Variants in PAPPA2 observed in about 807,000 individuals in gnomAD.
The protein encoded by PAPPA2 is pappalysin-2.
PAPPA2 carries 86 observed loss-of-function variants against 176.4 expected under a neutral mutation model. The observed-to-expected ratio is 0.49, with a 90% confidence interval of 0.41 to 0.58. The LOEUF (loss-of-function observed/expected upper bound fraction) is 0.58. Among genes scored for constraint, PAPPA2 ranks in the 20% least tolerant of loss-of-function variants. The pLI is 0.00. For missense variants in PAPPA2, 2,073 were observed against 2,256.9 expected, an observed-to-expected ratio of 0.92 and a Z score of 1.65; for synonymous variants, 809 against 852.2, an observed-to-expected ratio of 0.95 and a Z score of 0.88.
At chr1:176,735,977 C>G (rs192520348) in intron 12 of PAPPA2, among the ~76,000 whole-genome samples, 2 of 152,110 alleles carry the variant, frequency 1.3e-5, no homozygotes, top group Admixed American at 1.3e-4. Context: ...TTACATTGTG[C>G]ATGTAATATA....
At chr1:176,576,466 G>A (rs868617136) in intron 2 of PAPPA2, among the ~76,000 whole-genome samples, 5 of 115,232 alleles carry the variant, frequency 4.3e-5, no homozygotes, top group African/African-American at 1.1e-4. Context: ...AGGGAAACAC[G>A]TCAATGGGGT....
At chr1:176,688,707 T>A (rs1375025741) in intron 4 of PAPPA2, among the ~76,000 whole-genome samples, 2 of 152,240 alleles carry the variant, frequency 1.3e-5, no homozygotes, top group Non-Finnish European at 2.9e-5. Context: ...TGTCAGTATG[T>A]TCGAGTAAAC....
At chr1:176,500,075 CTCAAA>C (rs1252819018) in intron 1 of PAPPA2, among the ~76,000 whole-genome samples, 1 of 151,830 alleles carries the variant, frequency 6.6e-6, no homozygotes, top group Non-Finnish European at 1.5e-5. Context: ...GATAATTGTA[CTCAAA>C]TCAAAGGAGA....
chr1:176,782,158 C>T (rs1031306070), intron 17 of PAPPA2, among the ~76,000 whole-genome samples: 2 of 152,200 alleles, frequency 1.3e-5, no homozygotes, highest in African/African-American at 4.8e-5. Flanking sequence ...GTGCACATCC[C>T]TGCTCTGCCA....
intron 3 of PAPPA2, among the ~76,000 whole-genome samples, chr1:176,604,793 G>T (rs990202684): frequency 3.3e-5 from 5 of 152,164 alleles, no homozygotes; most frequent in African/African-American, 1.2e-4. Flanking sequence ...ATGAATTAGT[G>T]TATACATATA....
intron 12 of PAPPA2, among the ~76,000 whole-genome samples, chr1:176,735,706 ATCTATCTATCTATCT>A (rs1662374106): frequency 6.6e-6 from 1 of 151,230 alleles, no homozygotes; most frequent in Non-Finnish European, 1.5e-5. Context: ...CTATCTATCT[ATCTATCTATCTATCT>A]ATCTATCTAT....
chr1:176,547,099 A>G (rs1409629650), intron 1 of PAPPA2, among the ~76,000 whole-genome samples: 2 of 152,192 alleles, frequency 1.3e-5, no homozygotes, highest in African/African-American at 4.8e-5. Flanking sequence ...CCCACTATAC[A>G]ATGAAGTTGC....
chr1:176,760,276 G>C (rs1072831), intron 14 of PAPPA2, among the ~76,000 whole-genome samples: 56,718 of 152,008 alleles, frequency 0.37, 11,289 homozygotes, highest in Middle Eastern at 0.51. Flanking sequence ...TTATGCTTTT[G>C]ATCTACCTTG....
At chr1:176,482,400 G>T (rs762142351) in intron 1 of PAPPA2, among the ~76,000 whole-genome samples, 1 of 152,172 alleles carries the variant, frequency 6.6e-6, no homozygotes, top group African/African-American at 2.4e-5. Flanking sequence ...GATACTTTGG[G>T]CGAGTCACTA....
At chr1:176,775,474 T>A (rs2102918702) in intron 17 of PAPPA2, among the ~76,000 whole-genome samples, 1 of 152,314 alleles carries the variant, frequency 6.6e-6, no homozygotes, top group Middle Eastern at 3.4e-3. Flanking sequence ...AGCTCATTCT[T>A]CAAAGACAGT....
At chr1:176,716,768 T>C (rs1039497085) in intron 12 of PAPPA2, among the ~76,000 whole-genome samples, 9 of 151,852 alleles carry the variant, frequency 5.9e-5, no homozygotes, top group Middle Eastern at 3.4e-3. Context: ...CCCGCCACCA[T>C]GCCCGGCTAA....
intron 21 of PAPPA2, among the ~76,000 whole-genome samples, chr1:176,827,449 G>A (rs1033661434): frequency 2.6e-5 from 4 of 152,052 alleles, no homozygotes; most frequent in African/African-American, 9.7e-5. Flanking sequence ...CCTTCCTGCT[G>A]GGGTTATTCT....
intron 3 of PAPPA2, among the ~76,000 whole-genome samples, chr1:176,640,660 G>A (rs568777572): frequency 0.022 from 3,329 of 152,060 alleles, 114 homozygotes; most frequent in African/African-American, 0.077. Context: ...ACGTGTGCAT[G>A]TGTCTTTATA....
chr1:176,512,735 A>T (rs1558410324), intron 1 of PAPPA2, among the ~76,000 whole-genome samples: 2 of 152,196 alleles, frequency 1.3e-5, no homozygotes. Flanking sequence ...ATGTACTTCA[A>T]ATGGGCATTT....
At chr1:176,785,092 AAAC>A (rs1342960952) in intron 17 of PAPPA2, among the ~76,000 whole-genome samples, 1 of 152,152 alleles carries the variant, frequency 6.6e-6, no homozygotes. Flanking sequence ...TAGGTAACAA[AAAC>A]ATGAACAGGA....
chr1:176,767,578 C>T (rs967511009), intron 15 of PAPPA2, among the ~76,000 whole-genome samples: 10 of 152,174 alleles, frequency 6.6e-5, no homozygotes, highest in African/African-American at 2.4e-4. Flanking sequence ...CATCTGCTGA[C>T]CTCGTGATCC....
At chr1:176,551,908 G>A (rs1399431669) in intron 1 of PAPPA2, among the ~76,000 whole-genome samples, 4 of 152,164 alleles carry the variant, frequency 2.6e-5, no homozygotes, top group Admixed American at 2.6e-4. Context: ...GGTGGAGGTG[G>A]AAGTTGGAGG....
Position 176,690,358 on chromosome 1 carries a change from G to C in PAPPA2, c.2359G>C (p.Glu787Gln). 3 of 1,614,166 alleles carry C rather than the reference G, an allele frequency of 1.9e-6. No homozygotes were observed. The highest frequency in any genetic ancestry group is 1.7e-6 in the Non-Finnish European group (2 of 1,180,020). Residue 787 changes from glutamate (E) to glutamine (Q), a missense_variant, in exon 5 of 23, where the codon GAG becomes CAG. This residue lies in a region of PAPPA2 where 1,196 missense variants were observed against 1,330.4 expected (regional missense o/e 0.90). Transcript: ENST00000367662. ...TPKSELCREP[E>Q]PTSDTCGFTR... ...CAAGAGTGAGCTGTGCCGGGAACCA[G>C]AGCCCACTAGTGACACCTGTGGCTT...
intron 20 of PAPPA2, among the ~76,000 whole-genome samples, chr1:176,799,002 T>A (rs1665560192): frequency 6.6e-6 from 1 of 152,244 alleles, no homozygotes; most frequent in Non-Finnish European, 1.5e-5. Context: ...CATATGTGAA[T>A]GTCTCCAATC....
Sources: allele counts gnomAD v4.1 joint callset (sites outside exome capture counted in the v4.1 genomes callset), GRCh38; gene constraint gnomAD v4.1.1; regional missense constraint gnomAD v4.1.1; transcripts MANE v1.5; gene names NCBI Gene and HGNC (gene_info 2026-07-23, HGNC 2026-07-21).